Variants in RBFOX1 observed in about 807,000 individuals in gnomAD.
The protein encoded by RBFOX1 is RNA binding fox-1 homolog 1.
RBFOX1 carries 8 observed loss-of-function variants against 57.7 expected under a neutral mutation model. The ratio of observed to expected loss-of-function variants is 0.14; its 90% CI spans 0.08 to 0.25. The LOEUF (loss-of-function observed/expected upper bound fraction) is 0.25, where lower values mean the gene tolerates loss of function less well. Among genes scored for constraint, RBFOX1 ranks in the 10% least tolerant of loss-of-function variants. The pLI is 1.00. For synonymous variants in RBFOX1, 326 were observed against 222.4 expected (o/e 1.47, Z -4.15); for missense variants, 611 against 548.5 (o/e 1.11, Z -1.14).
intron 3 of RBFOX1, among the ~76,000 whole-genome samples, chr16:6,904,625 AAAAG>A (rs2069341560): frequency 2.7e-5 from 4 of 149,568 alleles, no homozygotes; most frequent in South Asian, 2.1e-4. Flanking sequence ...AAAAAAAAAA[AAAAG>A]AAGAAGAAGA....
Position 6,540,279 on chromosome 16 carries a change from G to A in RBFOX1, c.-63-114324G>A, listed in dbSNP as rs8060408. Among the ~76,000 whole-genome samples, 161 of 151,070 alleles carry A rather than the reference G, an allele frequency of 1.1e-3. 1 individual carries two copies. Among genetic ancestry groups the A allele is most frequent in the African/African-American group, 3.8e-3 (156 of 41,108 alleles). On this transcript the variant is annotated intron_variant, in intron 2 of 15. Coordinates refer to ENST00000550418, the MANE Select transcript of RBFOX1 (RefSeq NM_018723.4). Reference sequence around the variant, plus strand: ...ATTCTCCCTCAATTGTTCTTTATTCGTAGATAGCCATCATATAAGCTGGCT... The same window carrying A: ...ATTCTCCCTCAATTGTTCTTTATTCATAGATAGCCATCATATAAGCTGGCT...
At chr16:6,172,144 A>G (rs946074556) in intron 1 of RBFOX1, among the ~76,000 whole-genome samples, 2 of 151,974 alleles carry the variant, frequency 1.3e-5, no homozygotes, top group Non-Finnish European at 2.9e-5. Flanking sequence ...TCATTGGTCA[A>G]GGATGTCACA....
intron 1 of RBFOX1, among the ~76,000 whole-genome samples, chr16:6,073,954 C>A (rs1424182323): frequency 6.6e-6 from 1 of 151,868 alleles, no homozygotes; most frequent in East Asian, 1.9e-4. Flanking sequence ...AGTGAAGGTT[C>A]TTTTCTTTTT....
At chr16:6,607,817 A>G (rs2154021121) in intron 2 of RBFOX1, among the ~76,000 whole-genome samples, 1 of 152,346 alleles carries the variant, frequency 6.6e-6, no homozygotes, top group African/African-American at 2.4e-5. Flanking sequence ...ATGAGCGATC[A>G]TAGAATGGGA....
At chr16:6,757,909 T>G (rs1323489249) in intron 3 of RBFOX1, among the ~76,000 whole-genome samples, 1 of 152,162 alleles carries the variant, frequency 6.6e-6, no homozygotes, top group Non-Finnish European at 1.5e-5. Flanking sequence ...ACCCTGTAAA[T>G]ATGTACAATT....
intron 2 of RBFOX1, among the ~76,000 whole-genome samples, chr16:5,523,438 A>T (rs1374622861): frequency 6.6e-6 from 1 of 151,496 alleles, no homozygotes; most frequent in Non-Finnish European, 1.5e-5. Flanking sequence ...AAGATGGTGA[A>T]ACCCTGTCTT....
intron 4 of RBFOX1, among the ~76,000 whole-genome samples, chr16:7,282,051 T>G (rs2095555354): frequency 6.6e-6 from 1 of 152,058 alleles, no homozygotes; most frequent in Non-Finnish European, 1.5e-5. Flanking sequence ...GTATTTTTTG[T>G]AGAGACAGGG....
intron 4 of RBFOX1, among the ~76,000 whole-genome samples, chr16:7,166,240 C>G (rs1198653067): frequency 6.7e-6 from 1 of 150,134 alleles, no homozygotes; most frequent in African/African-American, 2.4e-5. Context: ...TCTCGAATTC[C>G]TATCCTCAAG....
At chr16:7,215,878 CGG>C (rs1400655674) in intron 4 of RBFOX1, among the ~76,000 whole-genome samples, 52 of 152,034 alleles carry the variant, frequency 3.4e-4, no homozygotes, top group Non-Finnish European at 6.9e-4. Flanking sequence ...GCGTCTGCCA[CGG>C]CACCCGGCTA....
intron 4 of RBFOX1, among the ~76,000 whole-genome samples, chr16:7,232,149 G>A (rs151129037): frequency 1.1e-3 from 170 of 152,096 alleles, no homozygotes; most frequent in Admixed American, 2.4e-3. Flanking sequence ...TCAGCCTCCT[G>A]AGTAGCTGAG....
At chr16:7,371,267 C>G (rs1330085511) in intron 4 of RBFOX1, among the ~76,000 whole-genome samples, 1 of 152,190 alleles carries the variant, frequency 6.6e-6, no homozygotes, top group Non-Finnish European at 1.5e-5. Flanking sequence ...GTGCCACAGT[C>G]CTACCACTGA....
intron 3 of RBFOX1, among the ~76,000 whole-genome samples, chr16:6,761,785 A>C (rs988040722): frequency 6.6e-6 from 1 of 151,858 alleles, no homozygotes; most frequent in South Asian, 2.1e-4. Context: ...GATTACAGGC[A>C]TGAGCCACCA....
chr16:5,407,861 C>A (rs1187413454), intron 1 of RBFOX1, among the ~76,000 whole-genome samples: 2 of 152,196 alleles, frequency 1.3e-5, no homozygotes, highest in Admixed American at 6.5e-5. Context: ...GGCCTTTGGG[C>A]TTTAACCCAA....
At chr16:5,379,709 T>TG (rs2066081627) in intron 1 of RBFOX1, among the ~76,000 whole-genome samples, 1 of 152,156 alleles carries the variant, frequency 6.6e-6, no homozygotes, top group African/African-American at 2.4e-5. Context: ...TGGAGGACCC[T>TG]GGGGGTCTCA....
intron 2 of RBFOX1, among the ~76,000 whole-genome samples, chr16:6,367,348 G>C (rs1027820926): frequency 2.0e-5 from 3 of 152,128 alleles, no homozygotes; most frequent in African/African-American, 7.2e-5. Flanking sequence ...TTGGCTCACT[G>C]CAACCTCTGC....
At chr16:6,603,856 T>C (rs932068922) in intron 2 of RBFOX1, among the ~76,000 whole-genome samples, 2 of 152,152 alleles carry the variant, frequency 1.3e-5, no homozygotes, top group African/African-American at 4.8e-5. Context: ...TGTGACCCCA[T>C]TTGCCTCGAG....
At chr16:5,422,102 G>C (rs954196928) in intron 1 of RBFOX1, among the ~76,000 whole-genome samples, 1 of 152,112 alleles carries the variant, frequency 6.6e-6, no homozygotes, top group African/African-American at 2.4e-5. Flanking sequence ...TGAAAATCTA[G>C]CCCATGCGAA....
intron 4 of RBFOX1, among the ~76,000 whole-genome samples, chr16:7,341,326 A>G (rs1181663894): frequency 1.3e-5 from 2 of 152,142 alleles, no homozygotes; most frequent in Non-Finnish European, 2.9e-5. Context: ...TCAGGCTTGT[A>G]AAACTAGGAG....
At chr16:6,842,011 C>T (rs1329241320) in intron 3 of RBFOX1, among the ~76,000 whole-genome samples, 3 of 151,228 alleles carry the variant, frequency 2.0e-5, no homozygotes, top group South Asian at 2.1e-4. Context: ...GGCGTGGTGG[C>T]GGGCGCCTGT....
Sources: allele counts gnomAD v4.1 joint callset (sites outside exome capture counted in the v4.1 genomes callset), GRCh38; gene constraint gnomAD v4.1.1; transcripts MANE v1.5; gene names NCBI Gene and HGNC (gene_info 2026-07-23, HGNC 2026-07-21).